Variants in FBN1 observed in about 807,000 individuals in gnomAD.
FBN1 encodes the protein fibrillin-1.
FBN1 carries 29 observed loss-of-function variants against 365.1 expected under a neutral mutation model. That is an observed-to-expected ratio of 0.08 (90% confidence interval 0.06 to 0.11). The LOEUF is 0.11. Among genes scored for constraint, FBN1 ranks in the 10% least tolerant of loss-of-function variants. The pLI, the probability that FBN1 is intolerant of heterozygous loss-of-function variation, is 1.00. For missense variants in FBN1, 2,476 were observed against 3,703.2 expected, an observed-to-expected ratio of 0.67 and a Z score of 8.60; for synonymous variants, 1,210 against 1,270.5, an observed-to-expected ratio of 0.95 and a Z score of 1.01.
chr15:48,556,978 C>G (rs1361263191), intron 6 of FBN1, among the ~76,000 whole-genome samples: 1 of 152,190 alleles, frequency 6.6e-6, no homozygotes, highest in African/African-American at 2.4e-5. Flanking sequence ...GGCCCACTTA[C>G]AGACTTTTCG....
At chr15:48,503,734 T>A in intron 17 of FBN1, 53 bp downstream of exon 17, 1 of 1,609,812 alleles carries the variant, frequency 6.2e-7, no homozygotes, top group African/African-American at 1.3e-5. Context: ...TGCAAAGACC[T>A]CAATGGTGGC....
At chr15:48,486,745 T>C (rs1377442267) in intron 29 of FBN1, among the ~76,000 whole-genome samples, 1 of 152,224 alleles carries the variant, frequency 6.6e-6, no homozygotes, top group African/African-American at 2.4e-5. Context: ...TTGGTATGCA[T>C]GTGTGTAGAC....
intron 4 of FBN1, among the ~76,000 whole-genome samples, chr15:48,607,383 TA>T (rs1566937043): frequency 6.8e-6 from 1 of 146,102 alleles, no homozygotes; most frequent in Non-Finnish European, 1.5e-5. Context: ...TATATATATA[TA>T]TATTATTGTC....
Position 48,454,874 on chromosome 15 carries a change from C to G in FBN1, c.5422+1763G>C, listed in dbSNP as rs145236202. ...GTGTCTGCCTTGGGTTACAAGGGAC[C>G]CAGCACCACCTCACTCACCAGGTCT... is the stretch of plus-strand genomic sequence containing the variant. On this transcript the variant is annotated intron_variant, in intron 44 of 65. Coordinates refer to ENST00000316623, the MANE Select transcript of FBN1 (RefSeq NM_000138.5). Among the ~76,000 whole-genome samples, 156 of 152,200 alleles carry G rather than the reference C, an allele frequency of 1.0e-3. 5 individuals are homozygous for G. The East Asian group carries it at 0.029, about 28-fold the overall frequency.
intron 53 of FBN1, among the ~76,000 whole-genome samples, chr15:48,435,143 G>A (rs1457974114): frequency 6.6e-6 from 1 of 152,076 alleles, no homozygotes; most frequent in African/African-American, 2.4e-5. Flanking sequence ...AAAAGGGAGT[G>A]TGCATGTCTT....
At chr15:48,567,670 T>C (rs1181109603) in intron 6 of FBN1, among the ~76,000 whole-genome samples, 1 of 152,104 alleles carries the variant, frequency 6.6e-6, no homozygotes, top group Admixed American at 6.6e-5. Flanking sequence ...TGAAAATCAA[T>C]TAATGTAATA....
At chr15:48,417,341 C>A (rs1018869461) in intron 63 of FBN1, among the ~76,000 whole-genome samples, 2 of 151,934 alleles carry the variant, frequency 1.3e-5, no homozygotes, top group African/African-American at 4.8e-5. Flanking sequence ...TCCTACCTGC[C>A]TGCCTGCCTG....
At chr15:48,445,155 T>TACAC (rs769000569) in intron 48 of FBN1, among the ~76,000 whole-genome samples, 1 of 108,198 alleles carries the variant, frequency 9.2e-6, no homozygotes, top group Non-Finnish European at 1.9e-5. Flanking sequence ...CATATATATA[T>TACAC]ACATATATAT....
At chr15:48,536,732 A>G (rs2044016386) in intron 7 of FBN1, among the ~76,000 whole-genome samples, 1 of 152,234 alleles carries the variant, frequency 6.6e-6, no homozygotes, top group Non-Finnish European at 1.5e-5. Context: ...GTGGAATGTA[A>G]TGGAGACCCA....
chr15:48,526,401 C>A, intron 8 of FBN1, 146 bp from the exon 9 acceptor site: 1 of 804,406 alleles, frequency 1.2e-6, no homozygotes, highest in Non-Finnish European at 2.0e-6. Context: ...GGAGAACAGT[C>A]AATTCAAAGG....
chr15:48,560,374 A>G (rs575457727), intron 6 of FBN1, among the ~76,000 whole-genome samples: 20 of 152,340 alleles, frequency 1.3e-4, no homozygotes, highest in Non-Finnish European at 2.1e-4. Context: ...AATTGGGATA[A>G]TAATACCTGC....
At chr15:48,475,235 A>T (rs1052720231) in intron 32 of FBN1, among the ~76,000 whole-genome samples, 6 of 152,176 alleles carry the variant, frequency 3.9e-5, no homozygotes, top group African/African-American at 1.4e-4. Context: ...GACAGTATAT[A>T]AGCCATCTTT....
intron 2 of FBN1, chr15:48,644,025 C>T (rs1890244470): frequency 6.5e-6 from 1 of 154,884 alleles, no homozygotes; most frequent in African/African-American, 2.4e-5. Flanking sequence ...GAGCCCCACA[C>T]AACTCAAAAA....
At chr15:48,575,894 G>C (rs946039160) in intron 6 of FBN1, among the ~76,000 whole-genome samples, 1 of 151,356 alleles carries the variant, frequency 6.6e-6, no homozygotes, top group African/African-American at 2.4e-5. Context: ...GTTTTTTGCA[G>C]CATCATGGTT....
chr15:48,591,121 C>T (rs781733099), intron 6 of FBN1, among the ~76,000 whole-genome samples: 7 of 152,318 alleles, frequency 4.6e-5, no homozygotes, highest in Middle Eastern at 6.8e-3. Flanking sequence ...GACATTAAAA[C>T]ATTAAACCAA....
chr15:48,411,761 G>C (rs1370650585), intron 65 of FBN1, among the ~76,000 whole-genome samples: 1 of 152,232 alleles, frequency 6.6e-6, no homozygotes, highest in Non-Finnish European at 1.5e-5. Flanking sequence ...AGACCTAGTA[G>C]GTGATTCAGA....
intron 3 of FBN1, 50 bp downstream of exon 3, chr15:48,612,951 CATGCAACCA>C: frequency 8.0e-7 from 1 of 1,252,672 alleles, no homozygotes; most frequent in Non-Finnish European, 1.2e-6. Flanking sequence ...TAAGGCTCCC[CATGCAACCA>C]ACACAACAAA....
intron 7 of FBN1, among the ~76,000 whole-genome samples, chr15:48,537,248 GA>G (rs1158056110): frequency 6.6e-6 from 1 of 151,886 alleles, no homozygotes; most frequent in Admixed American, 6.6e-5. Flanking sequence ...TTCAAATGAA[GA>G]AAAAAAATTA....
At chr15:48,489,785 T>A in intron 25 of FBN1, 66 bp downstream of exon 25, 2 of 1,230,212 alleles carry the variant, frequency 1.6e-6, no homozygotes, top group Non-Finnish European at 2.4e-6. Context: ...AGTGCTGAGA[T>A]CATGAAAATG....
Sources: allele counts gnomAD v4.1 joint callset (sites outside exome capture counted in the v4.1 genomes callset), GRCh38; gene constraint gnomAD v4.1.1; transcripts MANE v1.5; gene names NCBI Gene and HGNC (gene_info 2026-07-23, HGNC 2026-07-21).